Variants in PCDH15 observed in about 807,000 individuals in gnomAD.
The protein encoded by PCDH15 is protocadherin-15.
PCDH15 carries 129 observed loss-of-function variants against 178.5 expected under a neutral mutation model. That is an observed-to-expected ratio of 0.72 (90% CI 0.63 to 0.84). The LOEUF (loss-of-function observed/expected upper bound fraction) is 0.84, where lower values mean the gene tolerates loss of function less well. Ranked by LOEUF, PCDH15 falls within the 40% of genes least tolerant of loss-of-function variation. PCDH15 has a pLI of 0.00. For missense variants in PCDH15, 2,230 were observed against 2,099.9 expected (o/e 1.06, Z -1.21); for synonymous variants, 800 against 732.0 (o/e 1.09, Z -1.50).
chr10:55,419,123 A>T (rs182273142), intron 2 of PCDH15, among the ~76,000 whole-genome samples: 9 of 151,802 alleles, frequency 5.9e-5, no homozygotes, highest in African/African-American at 1.7e-4. Context: ...TGATAATGAG[A>T]TGGCAGACAA....
chr10:55,448,518 A>AT (rs959086962), intron 2 of PCDH15, among the ~76,000 whole-genome samples: 4 of 151,734 alleles, frequency 2.6e-5, no homozygotes, highest in Non-Finnish European at 5.9e-5. Flanking sequence ...CAAAAACACA[A>AT]TTTTTTTCAG....
chr10:54,888,581 G>A (rs1378570003), intron 3 of PCDH15, among the ~76,000 whole-genome samples: 1 of 151,574 alleles, frequency 6.6e-6, no homozygotes, highest in East Asian at 1.9e-4. Flanking sequence ...AGGTTCATAT[G>A]GTGGGCATAA....
At chr10:54,899,326 A>G (rs952674244) in intron 2 of PCDH15, among the ~76,000 whole-genome samples, 1 of 152,152 alleles carries the variant, frequency 6.6e-6, no homozygotes, top group Non-Finnish European at 1.5e-5. Flanking sequence ...AGGATACAAA[A>G]GCAAATATCT....
chr10:53,923,648 T>C (rs554105474), intron 25 of PCDH15, among the ~76,000 whole-genome samples: 1 of 152,366 alleles, frequency 6.6e-6, no homozygotes, highest in African/African-American at 2.4e-5. Flanking sequence ...CCCTTTATTA[T>C]TTATTTGGCA....
Position 55,599,745 on chromosome 10 carries a change from G to A in PCDH15, c.-156+27880C>T, listed in dbSNP as rs1218598909. On this transcript the variant is annotated intron_variant, in intron 2 of 5. Transcript: ENST00000613346. Reference sequence around the variant, plus strand: ...GATTACAAAAAGTAAAAGGAACTCGGCACATTTCACCCCATCTCTCTACCA... The same window carrying A: ...GATTACAAAAAGTAAAAGGAACTCGACACATTTCACCCCATCTCTCTACCA... 8 of 406,896 alleles carry A rather than the reference G, an allele frequency of 2.0e-5. No individual in the cohort carries two copies. In the East Asian group the frequency reaches 3.0e-4, roughly 15 times the overall value. The allele number at this position is 406,896 out of a possible 1,614,324, so 25.2% of individuals were successfully genotyped here.
At chr10:54,807,146 T>C (rs987154256) in intron 3 of PCDH15, among the ~76,000 whole-genome samples, 1 of 152,180 alleles carries the variant, frequency 6.6e-6, no homozygotes, top group Non-Finnish European at 1.5e-5. Context: ...CTAAAGTATT[T>C]AGCATATTCA....
At chr10:54,602,093 AC>A (rs200775858) in intron 2 of PCDH15, among the ~76,000 whole-genome samples, 1,929 of 152,034 alleles carry the variant, frequency 0.013, 43 homozygotes, top group African/African-American at 0.044. Context: ...ACATAATTTT[AC>A]CTATATAACA....
intron 2 of PCDH15, among the ~76,000 whole-genome samples, chr10:55,126,866 A>G (rs1012533115): frequency 6.6e-6 from 1 of 151,348 alleles, no homozygotes; most frequent in Non-Finnish European, 1.5e-5. Context: ...TTTTCCTACA[A>G]TTGCCTTAAA....
chr10:54,150,655 T>C (rs887775577), intron 14 of PCDH15, among the ~76,000 whole-genome samples: 3 of 151,584 alleles, frequency 2.0e-5, no homozygotes, highest in Non-Finnish European at 2.9e-5. Flanking sequence ...GTCTTTATTT[T>C]TGTTGTTTCT....
intron 17 of PCDH15, among the ~76,000 whole-genome samples, chr10:54,075,530 G>A (rs1452270061): frequency 1.3e-5 from 2 of 151,544 alleles, no homozygotes; most frequent in African/African-American, 2.4e-5. Context: ...TCTATTTTTT[G>A]TTGTTGTTGT....
At position 55,416,510 on chromosome 10, in the gene PCDH15, CA is replaced by C. The variant is rs1327830988; in HGVS notation, c.-156+211114del. Among the ~76,000 whole-genome samples the C allele has an allele frequency of 4.0e-5, 6 of 151,698 alleles. No homozygotes were observed. The East Asian group carries it at 1.2e-3, about 29-fold the overall frequency. ...GATAGCACAAAAATGAATAAATTGA[CA>C]ACAGTGAAGAGAAGAAAATGGGGTT... On this transcript the variant is annotated intron_variant, in intron 2 of 5. Transcript: ENST00000613346.
chr10:54,165,028 T>C (rs2046078108), intron 13 of PCDH15, among the ~76,000 whole-genome samples: 1 of 152,192 alleles, frequency 6.6e-6, no homozygotes, highest in South Asian at 2.1e-4. Flanking sequence ...AAAAATGATA[T>C]AATGGGTTTG....
chr10:55,102,984 G>A (rs1292916340), intron 2 of PCDH15, among the ~76,000 whole-genome samples: 1 of 152,084 alleles, frequency 6.6e-6, no homozygotes, highest in African/African-American at 2.4e-5. Context: ...AGGAAGAGGA[G>A]GTGTTGTTCT....
intron 2 of PCDH15, among the ~76,000 whole-genome samples, chr10:55,516,305 T>TA (rs746042013): frequency 6.6e-6 from 1 of 152,152 alleles, no homozygotes; most frequent in Non-Finnish European, 1.5e-5. Flanking sequence ...TGCTTCCATG[T>TA]AAGATGTGCC....
intron 2 of PCDH15, among the ~76,000 whole-genome samples, chr10:55,365,697 C>A (rs1281963492): frequency 2.6e-5 from 4 of 152,050 alleles, no homozygotes; most frequent in African/African-American, 9.7e-5. Flanking sequence ...CACAAGCTCT[C>A]TTCTCTTGTT....
intron 5 of PCDH15, among the ~76,000 whole-genome samples, chr10:54,351,593 C>T (rs957289997): frequency 1.3e-5 from 2 of 152,088 alleles, no homozygotes; most frequent in African/African-American, 4.8e-5. Flanking sequence ...CTCTACAAGG[C>T]CTCTATACTG....
chr10:55,029,638 C>G (rs1252470955), intron 2 of PCDH15, among the ~76,000 whole-genome samples: 3 of 152,060 alleles, frequency 2.0e-5, no homozygotes, highest in East Asian at 1.9e-4. Context: ...AGAAAGCACC[C>G]TAATGTGGTC....
At chr10:54,583,004 A>C (rs2091170909) in intron 2 of PCDH15, among the ~76,000 whole-genome samples, 1 of 149,784 alleles carries the variant, frequency 6.7e-6, no homozygotes, top group Non-Finnish European at 1.5e-5. Context: ...CTGGTATCTT[A>C]GAATATCTTG....
chr10:55,483,638 C>A (rs1840232341), intron 2 of PCDH15, among the ~76,000 whole-genome samples: 1 of 151,482 alleles, frequency 6.6e-6, no homozygotes, highest in Non-Finnish European at 1.5e-5. Context: ...CATATATACC[C>A]AAAGGAATAT....
Sources: gnomAD v4.1 joint callset for allele counts (sites outside exome capture counted in the v4.1 genomes callset) on GRCh38, gnomAD v4.1.1 for gene constraint, MANE v1.5 for transcripts, NCBI Gene and HGNC (gene_info 2026-07-23, HGNC 2026-07-21) for gene names.